The following CACNA1E variants were observed in gnomAD, a reference collection of about 807,000 sequenced individuals.
CACNA1E encodes the protein calcium voltage-gated channel subunit alpha1 E.
In CACNA1E, 40 loss-of-function variants were observed where a neutral mutation model predicts 259.2. The observed-to-expected ratio is 0.15, with a 90% CI of 0.12 to 0.20. CACNA1E has a LOEUF of 0.20. Among genes scored for constraint, CACNA1E ranks in the 10% least tolerant of loss-of-function variants. The pLI is 1.00. For missense variants in CACNA1E, 1,874 were observed against 3,040.1 expected (o/e 0.62, Z 9.02); for synonymous variants, 1,104 against 1,138.5 (o/e 0.97, Z 0.61).
chr1:181,469,289 C>T (rs1182484947), intron 2 of CACNA1E, among the ~76,000 whole-genome samples: 1 of 152,128 alleles, frequency 6.6e-6, no homozygotes, highest in African/African-American at 2.4e-5. Context: ...AAGACTGTGA[C>T]TGTGGCATAG....
intron 3 of CACNA1E, among the ~76,000 whole-genome samples, chr1:181,539,395 T>TAATG (rs1319008097): frequency 6.6e-6 from 1 of 151,920 alleles, no homozygotes; most frequent in Non-Finnish European, 1.5e-5. Flanking sequence ...ATTAATGAAT[T>TAATG]AATGAATGAA....
Position 181,557,645 on chromosome 1 carries a change from C to T in CACNA1E, c.513-20121C>T, listed in dbSNP as rs144395886. Among the ~76,000 whole-genome samples, 446 of 152,320 alleles carry T rather than the reference C, an allele frequency of 2.9e-3. 6 individuals carry two copies. The East Asian group carries it at 0.03, about 10-fold the overall frequency. On this transcript the variant is annotated intron_variant, in intron 3 of 47. Transcript: ENST00000367573. Reference sequence around the variant, plus strand: ...CCTCCAACTTGCTTTGCTCCCTTGGCCCAGCATCTCTCCCCTTCCTGTCTA... The same window carrying T: ...CCTCCAACTTGCTTTGCTCCCTTGGTCCAGCATCTCTCCCCTTCCTGTCTA...
Position 181,736,321 on chromosome 1 carries a change from G to A in CACNA1E, c.3309G>A (p.Glu1103=). The part of the protein sequence containing the change: ...DGEASPLKEA[E]IREDEEEVEK... ...AAGCCAGTCCCTTGAAGGAGGCAGA[G>A]ATCAGAGAGGATGAGGAGGAGGTGG... is the stretch of plus-strand genomic sequence containing the variant. Residue 1103 remains glutamate, a synonymous_variant, in exon 22 of 48, where the codon GAG becomes GAA. Transcript: ENST00000367573. 6.2e-7 allele frequency: 1 copy of A among 1,604,380 alleles called. No homozygotes were observed. Among genetic ancestry groups the A allele is most frequent in the Non-Finnish European group, 8.5e-7 (1 of 1,175,156 alleles).
chr1:181,366,961 A>C (rs141932180), intron 1 of CACNA1E, among the ~76,000 whole-genome samples: 4 of 152,278 alleles, frequency 2.6e-5, no homozygotes, highest in African/African-American at 9.6e-5. Flanking sequence ...CATCCCTTAA[A>C]ACTTGTTCCT....
At chr1:181,740,896 G>A (rs894814558) in intron 25 of CACNA1E, among the ~76,000 whole-genome samples, 4 of 152,130 alleles carry the variant, frequency 2.6e-5, no homozygotes, top group Non-Finnish European at 5.9e-5. Flanking sequence ...TGCAATGAAA[G>A]GAAAGGCAGC....
chr1:181,428,870 G>T (rs1557997900), intron 2 of CACNA1E, among the ~76,000 whole-genome samples: 1 of 152,134 alleles, frequency 6.6e-6, no homozygotes, highest in Non-Finnish European at 1.5e-5. Context: ...GGCTCACATA[G>T]GGTTGCTCAA....
At chr1:181,537,836 G>A (rs1342480732) in intron 3 of CACNA1E, among the ~76,000 whole-genome samples, 2 of 152,166 alleles carry the variant, frequency 1.3e-5, no homozygotes, top group Admixed American at 1.3e-4. Context: ...AGAAACAGAG[G>A]TACAGTGAGA....
At chr1:181,658,383 C>A (rs889347356) in intron 7 of CACNA1E, among the ~76,000 whole-genome samples, 5 of 152,182 alleles carry the variant, frequency 3.3e-5, no homozygotes, top group African/African-American at 9.6e-5. Flanking sequence ...AGAAGCCTAA[C>A]CCTGTAAGAA....
chr1:181,475,514 A>AT (rs549291673), intron 2 of CACNA1E, among the ~76,000 whole-genome samples: 85 of 152,192 alleles, frequency 5.6e-4, no homozygotes, highest in African/African-American at 2.0e-3. Flanking sequence ...GAGGAAGAAT[A>AT]TTTTTGGGGC....
In CACNA1E at chr1:181,518,438, C is replaced by A. The variant is rs184418621; in HGVS notation, c.512+6928C>A. 1.7e-3 allele frequency among the ~76,000 whole-genome samples: 266 copies of A among 152,334 alleles called. 2 individuals are homozygous for A. Among genetic ancestry groups the A allele is most frequent in the African/African-American group, 5.7e-3 (239 of 41,566 alleles). On this transcript the variant is annotated intron_variant, in intron 3 of 47. Coordinates refer to ENST00000367573, the MANE Select transcript of CACNA1E (RefSeq NM_001205293.3). Reference sequence around the variant, plus strand: ...ATCTCCTTTTATCAGAACATTATTTCTGTTCCAATTGCATTTCCCCCCAGA... The same window carrying A: ...ATCTCCTTTTATCAGAACATTATTTATGTTCCAATTGCATTTCCCCCCAGA...
chr1:181,324,281 G>T (rs1650601280), intron 1 of CACNA1E, among the ~76,000 whole-genome samples: 1 of 152,174 alleles, frequency 6.6e-6, no homozygotes, highest in African/African-American at 2.4e-5. Flanking sequence ...GTAATGAATG[G>T]CATTTGGAGA....
At chr1:181,342,590 C>T (rs1001311572) in intron 1 of CACNA1E, among the ~76,000 whole-genome samples, 13 of 152,156 alleles carry the variant, frequency 8.5e-5, no homozygotes, top group African/African-American at 2.7e-4. Flanking sequence ...GAATCCTTGC[C>T]GTCTGATTCC....
intron 7 of CACNA1E, among the ~76,000 whole-genome samples, chr1:181,660,170 T>TC (rs1647498830): frequency 2.0e-5 from 3 of 152,190 alleles, no homozygotes; most frequent in Admixed American, 2.0e-4. Flanking sequence ...GAGGAGGAAT[T>TC]CTTCTGGTTG....
At chr1:181,512,365 G>A (rs1218869221) in intron 3 of CACNA1E, among the ~76,000 whole-genome samples, 1 of 152,286 alleles carries the variant, frequency 6.6e-6, no homozygotes, top group Non-Finnish European at 1.5e-5. Flanking sequence ...AGCAAGTGAT[G>A]TGGTCTGGAA....
At position 181,776,940 on chromosome 1, in the gene CACNA1E, C is replaced by T. The variant is rs1470985637; in HGVS notation, c.5267+712C>T. ...TTTATTGAAAGACAGCTCAACCATT[C>T]GTTTACGTATTGTCTCTGGCTGCTT... On this transcript the variant is annotated intron_variant, in intron 38 of 47. Coordinates refer to ENST00000367573, the MANE Select transcript of CACNA1E (RefSeq NM_001205293.3). This position sits in a 1 kb window ranked among gnomAD's most constrained non-coding sequence, Gnocchi z 4.4. Among the ~76,000 whole-genome samples, 6 of 152,200 alleles carry T rather than the reference C, an allele frequency of 3.9e-5. No individual in the cohort carries two copies. The South Asian group carries it at 8.3e-4, about 21-fold the overall frequency.
chr1:181,391,943 CTCTGTGTGTG>C (rs1396058323), intron 1 of CACNA1E, among the ~76,000 whole-genome samples: 12 of 125,054 alleles, frequency 9.6e-5, no homozygotes, highest in African/African-American at 3.7e-4. Context: ...CTCTCTCTCT[CTCTGTGTGTG>C]TGTGTGTGTG....
intron 1 of CACNA1E, among the ~76,000 whole-genome samples, chr1:181,346,561 CAGGTTA>C (rs1652607134): frequency 6.6e-6 from 1 of 152,174 alleles, no homozygotes; most frequent in African/African-American, 2.4e-5. Context: ...CTAATCAATT[CAGGTTA>C]CTTTACCTTT....
At chr1:181,728,439 G>A (rs576687904) in intron 18 of CACNA1E, among the ~76,000 whole-genome samples, 7 of 152,334 alleles carry the variant, frequency 4.6e-5, no homozygotes, top group African/African-American at 1.4e-4. Flanking sequence ...GCAGAGACCC[G>A]GGCTTTGGTG....
chr1:181,591,926 G>T (rs1652689474), intron 6 of CACNA1E, among the ~76,000 whole-genome samples: 1 of 152,180 alleles, frequency 6.6e-6, no homozygotes, highest in African/African-American at 2.4e-5. Flanking sequence ...GATAGACAAA[G>T]CATCTTCTTC....
Sources: allele counts gnomAD v4.1 joint callset (sites outside exome capture counted in the v4.1 genomes callset), GRCh38; gene constraint gnomAD v4.1.1; non-coding constraint Gnocchi (gnomAD v3.1); transcripts MANE v1.5; gene names NCBI Gene and HGNC (gene_info 2026-07-23, HGNC 2026-07-21).